The following IL1RAPL1 variants were observed in gnomAD, a reference collection of about 807,000 sequenced individuals.
IL1RAPL1 encodes the protein interleukin-1 receptor accessory protein-like 1.
IL1RAPL1 carries 3 observed loss-of-function variants against 48.4 expected under a neutral mutation model. The observed-to-expected ratio is 0.06, with a 90% CI of 0.03 to 0.16. IL1RAPL1 has a LOEUF of 0.16. Ranked by LOEUF, IL1RAPL1 falls within the 10% of genes least tolerant of loss-of-function variation. The pLI is 1.00. For missense variants in IL1RAPL1, 349 were observed against 530.6 expected (o/e 0.66, Z 3.36); for synonymous variants, 185 against 187.7 (o/e 0.99, Z 0.12).
chrX:28,961,506 C>T (rs1396191821), intron 2 of IL1RAPL1, among the ~76,000 whole-genome samples: 1 of 110,933 alleles, frequency 9.0e-6, no homozygotes, highest in Non-Finnish European at 1.9e-5. Flanking sequence ...CCTTGGTCCC[C>T]ACCACCTGAC....
chrX:28,787,107 T>G (rs750905031), intron 1 of IL1RAPL1, among the ~76,000 whole-genome samples: 4 of 112,266 alleles, frequency 3.6e-5, no homozygotes, highest in Non-Finnish European at 5.6e-5. Flanking sequence ...TATTACCAAA[T>G]TGATGCTTTC....
intron 5 of IL1RAPL1, among the ~76,000 whole-genome samples, chrX:29,663,958 T>C (rs1925920330): frequency 8.9e-6 from 1 of 112,460 alleles, no homozygotes; most frequent in African/African-American, 3.2e-5. Context: ...AGGAAGACTA[T>C]GTCACATTCT....
intron 6 of IL1RAPL1, among the ~76,000 whole-genome samples, chrX:29,896,289 G>T (rs1057400413): frequency 1.3e-4 from 14 of 111,934 alleles, no homozygotes; most frequent in Non-Finnish European, 1.9e-5. Context: ...GGCTTTAACT[G>T]GGAAATAATA....
chrX:29,847,563 C>G lies in IL1RAPL1; in HGVS notation c.779-69901C>G, dbSNP rs761450289. 9.8e-5 allele frequency among the ~76,000 whole-genome samples: 11 copies of G among 111,784 alleles called. No homozygotes were observed. In the South Asian group the frequency reaches 4.1e-3, roughly 41 times the overall value. On this transcript the variant is annotated intron_variant, in intron 6 of 10. Coordinates refer to ENST00000378993, the MANE Select transcript of IL1RAPL1 (RefSeq NM_014271.4). ...CACCAATGTTATCAAAATCATATAT[C>G]CAGACAAGGGATCTAAGTAATTTAT...
chrX:29,097,031 T>C lies in IL1RAPL1; in HGVS notation c.83-185907T>C, dbSNP rs1928230434. Among the ~76,000 whole-genome samples, 4 of 111,866 alleles carry C rather than the reference T, an allele frequency of 3.6e-5. No homozygotes were observed. In the South Asian group the frequency reaches 1.5e-3, roughly 42 times the overall value. ...CACGTCAAGAGGTCTCAGTGGAGCATACATCTGAAACAAATCATTTAAGCT... is the reference window on the plus strand; with the variant it reads ...CACGTCAAGAGGTCTCAGTGGAGCACACATCTGAAACAAATCATTTAAGCT... On this transcript the variant is annotated intron_variant, in intron 2 of 10. Coordinates refer to ENST00000378993, the MANE Select transcript of IL1RAPL1 (RefSeq NM_014271.4).
At chrX:29,059,268 A>G (rs1927290856) in intron 2 of IL1RAPL1, among the ~76,000 whole-genome samples, 1 of 112,011 alleles carries the variant, frequency 8.9e-6, no homozygotes, top group Admixed American at 9.5e-5. Flanking sequence ...ACTATTATAC[A>G]TTGACTGCAA....
intron 1 of IL1RAPL1, among the ~76,000 whole-genome samples, chrX:28,636,178 C>T (rs930179888): frequency 9.0e-6 from 1 of 111,595 alleles, no homozygotes; most frequent in Non-Finnish European, 1.9e-5. Context: ...TATGTTTCTT[C>T]CATTTCTTTT....
intron 5 of IL1RAPL1, among the ~76,000 whole-genome samples, chrX:29,539,629 G>C (rs918421444): frequency 9.0e-6 from 1 of 110,890 alleles, no homozygotes; most frequent in Non-Finnish European, 1.9e-5. Flanking sequence ...CCTTAGGACT[G>C]TATAGTGAGT....
At chrX:29,681,232 C>T (rs151185108) in intron 6 of IL1RAPL1, among the ~76,000 whole-genome samples, 160 of 112,396 alleles carry the variant, frequency 1.4e-3, no homozygotes, top group Non-Finnish European at 1.9e-3. Flanking sequence ...GTTTATACTA[C>T]GAAATACTGC....
At chrX:29,871,170 T>G (rs1404562944) in intron 6 of IL1RAPL1, among the ~76,000 whole-genome samples, 1 of 112,046 alleles carries the variant, frequency 8.9e-6, no homozygotes, top group Admixed American at 9.5e-5. Context: ...ATGCTGTATC[T>G]CTGATCACAG....
At chrX:29,802,787 G>GTATACATGTA (rs1278232304) in intron 6 of IL1RAPL1, among the ~76,000 whole-genome samples, 10 of 25,538 alleles carry the variant, frequency 3.9e-4, no homozygotes, top group Non-Finnish European at 6.5e-4. Flanking sequence ...ATATATGTGT[G>GTATACATGTA]TGTGTATATA....
At chrX:29,870,378 C>A (rs112683922) in intron 6 of IL1RAPL1, among the ~76,000 whole-genome samples, 2 of 111,675 alleles carry the variant, frequency 1.8e-5, no homozygotes, top group African/African-American at 6.5e-5. Context: ...AGTGGCACTT[C>A]CCATTCAGAG....
At chrX:29,725,376 A>C (rs769447168) in intron 6 of IL1RAPL1, among the ~76,000 whole-genome samples, 2 of 111,172 alleles carry the variant, frequency 1.8e-5, no homozygotes, top group African/African-American at 6.5e-5. Context: ...CTAAGCCCTC[A>C]TGGTTGCAAG....
At chrX:28,947,092 G>T (rs1311611546) in intron 2 of IL1RAPL1, among the ~76,000 whole-genome samples, 1 of 111,532 alleles carries the variant, frequency 9.0e-6, no homozygotes, top group Admixed American at 9.6e-5. Context: ...TGCAATGTTG[G>T]ATACCGTTGC....
At chrX:29,261,090 A>G (rs1275429853) in intron 2 of IL1RAPL1, among the ~76,000 whole-genome samples, 1 of 109,558 alleles carries the variant, frequency 9.1e-6, no homozygotes, top group African/African-American at 3.3e-5. Flanking sequence ...AGAAAATCAT[A>G]GGGGAAAACT....
At chrX:29,418,114 TATATA>T (rs1282049723) in intron 5 of IL1RAPL1, among the ~76,000 whole-genome samples, 9,785 of 50,009 alleles carry the variant, frequency 0.2, 1,219 homozygotes, top group Non-Finnish European at 0.26. Context: ...TATATATATA[TATATA>T]TATATATTTT....
intron 5 of IL1RAPL1, among the ~76,000 whole-genome samples, chrX:29,502,329 G>C (rs908042992): frequency 1.2e-4 from 13 of 110,837 alleles, no homozygotes; most frequent in Non-Finnish European, 2.1e-4. Context: ...TTGCCTAGTT[G>C]CTCTGTCTAG....
At chrX:29,217,783 A>T (rs1363649857) in intron 2 of IL1RAPL1, among the ~76,000 whole-genome samples, 19 of 86,499 alleles carry the variant, frequency 2.2e-4, no homozygotes, top group African/African-American at 7.2e-4. Context: ...TCTCTCACAC[A>T]CACACACACA....
At chrX:29,865,625 T>C (rs951712726) in intron 6 of IL1RAPL1, among the ~76,000 whole-genome samples, 2 of 102,480 alleles carry the variant, frequency 2.0e-5, no homozygotes, top group African/African-American at 7.4e-5. Flanking sequence ...GCTGTTTTTT[T>C]CTTTTCTTTT....
Sources: allele counts gnomAD v4.1 joint callset (sites outside exome capture counted in the v4.1 genomes callset), GRCh38; gene constraint gnomAD v4.1.1; transcripts MANE v1.5; gene names NCBI Gene and HGNC (gene_info 2026-07-23, HGNC 2026-07-21).